Variants in PPP2R5E observed in about 807,000 individuals in gnomAD.
PPP2R5E encodes protein phosphatase 2 regulatory subunit B'epsilon.
PPP2R5E carries 4 observed loss-of-function variants against 65.3 expected under a neutral mutation model. That is an observed-to-expected ratio of 0.06 (90% confidence interval 0.03 to 0.14). The LOEUF (loss-of-function observed/expected upper bound fraction) is 0.14. Among genes scored for constraint, PPP2R5E ranks in the 10% least tolerant of loss-of-function variants. The probability of loss-of-function intolerance (pLI) is 1.00; values close to 1 mark genes in which losing one functional copy is unlikely to be tolerated. For synonymous variants in PPP2R5E, 183 were observed against 187.4 expected, an observed-to-expected ratio of 0.98 and a Z score of 0.19; for missense variants, 274 against 556.1, an observed-to-expected ratio of 0.49 and a Z score of 5.10.
chr14:63,404,318 T>A (rs949154497), intron 5 of PPP2R5E, among the ~76,000 whole-genome samples: 4 of 152,190 alleles, frequency 2.6e-5, no homozygotes, highest in African/African-American at 9.6e-5. Flanking sequence ...TTCAAATAGA[T>A]AACCGATAAA....
At chr14:63,434,650 C>A (rs981270906) in intron 3 of PPP2R5E, among the ~76,000 whole-genome samples, 1 of 152,184 alleles carries the variant, frequency 6.6e-6, no homozygotes, top group East Asian at 1.9e-4. Flanking sequence ...GTTTTGACAT[C>A]TCACTATCAT....
chr14:63,449,204 A>C (rs890870205), intron 3 of PPP2R5E, among the ~76,000 whole-genome samples: 4 of 152,206 alleles, frequency 2.6e-5, no homozygotes, highest in Non-Finnish European at 2.9e-5. Context: ...CACGAAAGAG[A>C]AATCAGCGGG....
chr14:63,460,327 A>G (rs1889383282), intron 2 of PPP2R5E, among the ~76,000 whole-genome samples: 1 of 152,198 alleles, frequency 6.6e-6, no homozygotes. Context: ...GGCTGCAGCT[A>G]GTATCTGAAC....
At chr14:63,441,999 C>A (rs1430236763) in intron 3 of PPP2R5E, among the ~76,000 whole-genome samples, 2 of 151,890 alleles carry the variant, frequency 1.3e-5, no homozygotes, top group African/African-American at 4.8e-5. Context: ...TCTATGGGCA[C>A]CCCAAGCTGC....
At chr14:63,538,223 A>C (rs1893752318) in intron 2 of PPP2R5E, among the ~76,000 whole-genome samples, 1 of 151,192 alleles carries the variant, frequency 6.6e-6, no homozygotes, top group Non-Finnish European at 1.5e-5. Context: ...ACTTGAGCCT[A>C]GGAAATAGAG....
intron 3 of PPP2R5E, among the ~76,000 whole-genome samples, chr14:63,432,430 A>G (rs1297788172): frequency 6.6e-6 from 1 of 152,228 alleles, no homozygotes; most frequent in African/African-American, 2.4e-5. Context: ...TGCCAACTGT[A>G]TGAAAGAAAG....
At chr14:63,474,457 G>A (rs1037046939) in intron 2 of PPP2R5E, among the ~76,000 whole-genome samples, 10 of 151,978 alleles carry the variant, frequency 6.6e-5, no homozygotes, top group Non-Finnish European at 8.8e-5. Context: ...ACATATACAT[G>A]GAAATGTATT....
intron 3 of PPP2R5E, among the ~76,000 whole-genome samples, chr14:63,430,089 A>C (rs1372900572): frequency 6.8e-6 from 1 of 147,792 alleles, no homozygotes; most frequent in Admixed American, 6.6e-5. Context: ...ATTTACCATG[A>C]ATGTCATTTT....
At chr14:63,376,944 G>A (rs892114194) in intron 13 of PPP2R5E, among the ~76,000 whole-genome samples, 2 of 151,988 alleles carry the variant, frequency 1.3e-5, no homozygotes, top group African/African-American at 4.8e-5. Flanking sequence ...GAGGCGGGTG[G>A]ATCATCAGTG....
intron 5 of PPP2R5E, among the ~76,000 whole-genome samples, chr14:63,402,413 C>T (rs59768203): frequency 0.091 from 13,813 of 152,114 alleles, 796 homozygotes; most frequent in African/African-American, 0.13. Flanking sequence ...GTAATTATGA[C>T]TATGAAGTCA....
intron 3 of PPP2R5E, among the ~76,000 whole-genome samples, chr14:63,425,614 G>A (rs1471866241): frequency 2.6e-5 from 4 of 152,152 alleles, no homozygotes; most frequent in Admixed American, 1.3e-4. Flanking sequence ...TCCACTGCAC[G>A]CTGCAGCAAC....
chr14:63,503,324 T>C (rs1163156290), intron 2 of PPP2R5E, among the ~76,000 whole-genome samples: 1 of 152,086 alleles, frequency 6.6e-6, no homozygotes, highest in African/African-American at 2.4e-5. Flanking sequence ...CTGAGGCCAT[T>C]GAAGAACGTG....
intron 5 of PPP2R5E, among the ~76,000 whole-genome samples, chr14:63,412,354 A>G (rs574208753): frequency 1.3e-5 from 2 of 152,384 alleles, no homozygotes; most frequent in African/African-American, 2.4e-5. Flanking sequence ...GAAGCTTAAC[A>G]TAAGTTGGCA....
At chr14:63,397,769 G>C (rs1885495012) in intron 5 of PPP2R5E, among the ~76,000 whole-genome samples, 1 of 150,362 alleles carries the variant, frequency 6.7e-6, no homozygotes, top group Non-Finnish European at 1.5e-5. Context: ...TGTTGCCCAG[G>C]CTGGAGTGCA....
chr14:63,418,014 G>A (rs923816296), intron 4 of PPP2R5E, among the ~76,000 whole-genome samples: 3 of 152,104 alleles, frequency 2.0e-5, no homozygotes, highest in East Asian at 3.8e-4. Context: ...AGGGATTCAC[G>A]TTAGCATTTT....
At chr14:63,493,143 C>T (rs190595966) in intron 2 of PPP2R5E, among the ~76,000 whole-genome samples, 10 of 152,052 alleles carry the variant, frequency 6.6e-5, no homozygotes, top group African/African-American at 2.4e-4. Flanking sequence ...ATAGAGCACC[C>T]TAACTCCTTT....
At chr14:63,505,948 G>A (rs1322161641) in intron 2 of PPP2R5E, among the ~76,000 whole-genome samples, 6 of 151,998 alleles carry the variant, frequency 3.9e-5, no homozygotes, top group African/African-American at 9.7e-5. Context: ...AAATCACAAC[G>A]TTGTGTAAAG....
chr14:63,520,778 G>A (rs1892867786), intron 2 of PPP2R5E, among the ~76,000 whole-genome samples: 1 of 150,866 alleles, frequency 6.6e-6, no homozygotes, highest in Non-Finnish European at 1.5e-5. Context: ...CACTTTGGGA[G>A]GCCGAGGCGG....
At chr14:63,511,626 T>C (rs533297680) in intron 2 of PPP2R5E, among the ~76,000 whole-genome samples, 23 of 152,312 alleles carry the variant, frequency 1.5e-4, no homozygotes, top group African/African-American at 5.3e-4. Flanking sequence ...CAGCATTATA[T>C]AAAAGGCAAA....
Sources: allele counts gnomAD v4.1 joint callset (sites outside exome capture counted in the v4.1 genomes callset), GRCh38; gene constraint gnomAD v4.1.1; transcripts MANE v1.5; gene names NCBI Gene and HGNC (gene_info 2026-07-23, HGNC 2026-07-21).